Variants in CTNNA3 observed in about 807,000 individuals in gnomAD.
CTNNA3 encodes catenin alpha-3.
CTNNA3 carries 76 observed loss-of-function variants against 95.7 expected under a neutral mutation model. The observed-to-expected ratio is 0.79, with a 90% CI of 0.66 to 0.96. The LOEUF (loss-of-function observed/expected upper bound fraction) is 0.96, where lower values mean the gene tolerates loss of function less well. Ranked by LOEUF, CTNNA3 falls within the 40% of genes least tolerant of loss-of-function variation. The pLI is 0.00. For synonymous variants in CTNNA3, 431 were observed against 374.4 expected (o/e 1.15, Z -1.74); for missense variants, 1,191 against 1,089.8 (o/e 1.09, Z -1.31).
intron 1 of CTNNA3, among the ~76,000 whole-genome samples, chr10:67,695,274 C>T (rs1252997715): frequency 6.6e-6 from 1 of 152,212 alleles, no homozygotes; most frequent in Non-Finnish European, 1.5e-5. Flanking sequence ...AATGAACTTT[C>T]TGATGTCTAA....
intron 14 of CTNNA3, among the ~76,000 whole-genome samples, chr10:66,082,939 A>G (rs904955227): frequency 2.0e-5 from 3 of 152,062 alleles, no homozygotes; most frequent in Admixed American, 1.3e-4. Flanking sequence ...GTATTGTCAT[A>G]TATATATTCA....
intron 7 of CTNNA3, among the ~76,000 whole-genome samples, chr10:67,010,258 A>T (rs1852235080): frequency 6.6e-6 from 1 of 152,208 alleles, no homozygotes. Context: ...CATGTCTCAT[A>T]ATTGTATGTA....
At chr10:65,957,792 G>C (rs1269037802) in intron 17 of CTNNA3, among the ~76,000 whole-genome samples, 1 of 152,116 alleles carries the variant, frequency 6.6e-6, no homozygotes, top group African/African-American at 2.4e-5. Context: ...TGGGTAACCC[G>C]ACCTTTCTCT....
chr10:66,875,809 T>C (rs1371285629), intron 7 of CTNNA3, among the ~76,000 whole-genome samples: 1 of 152,186 alleles, frequency 6.6e-6, no homozygotes, highest in African/African-American at 2.4e-5. Context: ...AATCATCCAC[T>C]GGCTCAGAGA....
intron 7 of CTNNA3, among the ~76,000 whole-genome samples, chr10:67,046,215 C>A (rs1854734058): frequency 6.6e-6 from 1 of 152,136 alleles, no homozygotes; most frequent in Non-Finnish European, 1.5e-5. Flanking sequence ...AATTTAAAGA[C>A]CCCGTGTCAT....
At chr10:67,604,935 T>A (rs1232645989) in intron 3 of CTNNA3, among the ~76,000 whole-genome samples, 1 of 152,196 alleles carries the variant, frequency 6.6e-6, no homozygotes, top group African/African-American at 2.4e-5. Context: ...AAATTGTATA[T>A]AACATACATA....
chr10:67,199,594 C>G (rs1412470999), intron 6 of CTNNA3, among the ~76,000 whole-genome samples: 1 of 152,076 alleles, frequency 6.6e-6, no homozygotes, highest in Admixed American at 6.6e-5. Flanking sequence ...TGGTCTCAAT[C>G]TCCTGACCTC....
chr10:67,566,061 A>ATATATATATATATATG (rs1184891307), intron 3 of CTNNA3, among the ~76,000 whole-genome samples: 2 of 94,248 alleles, frequency 2.1e-5, no homozygotes, highest in African/African-American at 8.0e-5. Context: ...ATATATATAT[A>ATATATATATATATATG]TATATATATA....
chr10:66,681,768 C>T (rs1299578671), intron 9 of CTNNA3, among the ~76,000 whole-genome samples: 1 of 152,134 alleles, frequency 6.6e-6, no homozygotes, highest in Non-Finnish European at 1.5e-5. Flanking sequence ...TCCTCTTTTC[C>T]TATTCCTCTA....
At chr10:66,652,021 G>C (rs77104781) in intron 9 of CTNNA3, among the ~76,000 whole-genome samples, 9,557 of 145,918 alleles carry the variant, frequency 0.065, 1,041 homozygotes, top group African/African-American at 0.23. Context: ...GCAGTTCTAA[G>C]ATAGAAGTTT....
At chr10:66,387,913 G>C (rs1426397388) in intron 11 of CTNNA3, among the ~76,000 whole-genome samples, 1 of 152,122 alleles carries the variant, frequency 6.6e-6, no homozygotes, top group East Asian at 1.9e-4. Context: ...CCTGGACACA[G>C]GGTGGGGAAC....
At chr10:66,471,477 T>A (rs1450822338) in intron 11 of CTNNA3, among the ~76,000 whole-genome samples, 1 of 151,854 alleles carries the variant, frequency 6.6e-6, no homozygotes, top group Non-Finnish European at 1.5e-5. Context: ...GCAAAATCCC[T>A]TTCTAAGCTA....
chr10:66,567,619 G>C (rs376133177), intron 10 of CTNNA3, among the ~76,000 whole-genome samples: 1 of 151,902 alleles, frequency 6.6e-6, no homozygotes, highest in South Asian at 2.1e-4. Context: ...TCTCTGTCTC[G>C]GGGAAAAAAT....
intron 10 of CTNNA3, among the ~76,000 whole-genome samples, chr10:66,522,344 T>C (rs59357487): frequency 0.026 from 3,999 of 152,206 alleles, 183 homozygotes; most frequent in African/African-American, 0.091. Flanking sequence ...GGGTTTGATA[T>C]AGTTTGGCTG....
intron 9 of CTNNA3, among the ~76,000 whole-genome samples, chr10:66,642,279 A>AAC (rs377158480): frequency 0.025 from 1,524 of 61,392 alleles, 12 homozygotes; most frequent in Admixed American, 0.033. Context: ...CACACACACA[A>AAC]ACACACACAC....
intron 6 of CTNNA3, among the ~76,000 whole-genome samples, chr10:67,188,734 A>G (rs1314028463): frequency 7.2e-5 from 11 of 152,196 alleles, no homozygotes; most frequent in African/African-American, 2.4e-4. Context: ...CAAGATATGG[A>G]ATCACCCTAA....
chr10:65,951,563 T>C (rs1589164785), intron 17 of CTNNA3, among the ~76,000 whole-genome samples: 1 of 152,166 alleles, frequency 6.6e-6, no homozygotes, highest in East Asian at 1.9e-4. Context: ...ATTAAAATCA[T>C]TCCTTAGCTC....
chr10:67,058,204 T>C (rs988078768), intron 7 of CTNNA3, among the ~76,000 whole-genome samples: 3 of 152,160 alleles, frequency 2.0e-5, no homozygotes, highest in African/African-American at 7.2e-5. Flanking sequence ...CAGCATCTCA[T>C]GAAACACCCC....
Position 65,920,269 on chromosome 10 carries a change from A to G in CTNNA3, c.*61T>C. 7.2e-7 allele frequency: 1 copy of G among 1,392,766 alleles called. No individual in the cohort carries two copies. The highest frequency in any genetic ancestry group is 1.3e-5 in the South Asian group (1 of 75,846). The allele number at this position is 1,392,766 out of a possible 1,614,324, so 86.3% of individuals were successfully genotyped here. A position where few individuals can be genotyped will look rare whatever the true frequency, so the allele number is the denominator to read the frequency against. On this transcript the variant is annotated 3_prime_UTR_variant, in exon 18 of 18. Coordinates refer to ENST00000433211, the MANE Select transcript of CTNNA3 (RefSeq NM_013266.4). The stretch of plus-strand genomic sequence containing the variant: ...AAATTACAGAACTTCTTAAGTGTAA[A>G]ATAAAGCAGTGTGGTTAGGCAGGAT...
Sources: allele counts gnomAD v4.1 joint callset (sites outside exome capture counted in the v4.1 genomes callset), GRCh38; gene constraint gnomAD v4.1.1; transcripts MANE v1.5; gene names NCBI Gene and HGNC (gene_info 2026-07-23, HGNC 2026-07-21).